Variants in USP3 observed in about 807,000 individuals in gnomAD.
USP3 encodes ubiquitin carboxyl-terminal hydrolase 3.
In USP3, 20 loss-of-function variants were observed where a neutral mutation model predicts 72.3. That is an observed-to-expected ratio of 0.28 (90% CI 0.19 to 0.40). The LOEUF (loss-of-function observed/expected upper bound fraction) is 0.40. USP3 is among the 10% of genes least tolerant of loss of function. The pLI is 1.00. For synonymous variants in USP3, 222 were observed against 225.3 expected (o/e 0.99, Z 0.13); for missense variants, 479 against 633.9 (o/e 0.76, Z 2.62).
In USP3 at chr15:63,529,888, T is replaced by C. The variant is rs1042481834; in HGVS notation, c.92-2759T>C. On this transcript the variant is annotated intron_variant, in intron 1 of 14. Coordinates refer to ENST00000380324, the MANE Select transcript of USP3 (RefSeq NM_006537.4). The surrounding 1 kb of genome is among the most constrained non-coding windows in gnomAD (Gnocchi z 4.2). ...GCTCATACCTATAATCTGGGCACTTTGGGAGGCTGAGGCAGGGAGGATTGC... is the reference window on the plus strand; with the variant it reads ...GCTCATACCTATAATCTGGGCACTTCGGGAGGCTGAGGCAGGGAGGATTGC... Among the ~76,000 whole-genome samples, 3 of 152,328 alleles carry C rather than the reference T, an allele frequency of 2.0e-5. No individual in the cohort carries two copies. The highest frequency in any genetic ancestry group is 6.5e-5 in the Admixed American group (1 of 15,302).
intron 8 of USP3, among the ~76,000 whole-genome samples, chr15:63,567,701 A>G (rs1354321476): frequency 6.7e-6 from 1 of 150,148 alleles, no homozygotes; most frequent in African/African-American, 2.5e-5. Flanking sequence ...GGCTGGTCTC[A>G]AACTCCTGAC....
Position 63,564,410 on chromosome 15 carries a change from C to T in USP3, c.761+1402C>T, listed in dbSNP as rs549133577. On this transcript the variant is annotated intron_variant, in intron 8 of 14. Coordinates refer to ENST00000380324, the MANE Select transcript of USP3 (RefSeq NM_006537.4). ...AGTTGGCTAATAATAGATTTGTTGACAATGATTTGCCCACATACCTTGAAC... is the reference window on the plus strand; with the variant it reads ...AGTTGGCTAATAATAGATTTGTTGATAATGATTTGCCCACATACCTTGAAC... Among the ~76,000 whole-genome samples, 96 of 152,242 alleles carry T rather than the reference C, an allele frequency of 6.3e-4. 2 individuals carry two copies. The highest frequency in any genetic ancestry group is 2.2e-3 in the African/African-American group (91 of 41,526).
chr15:63,572,362 T>G (rs1226338455), intron 9 of USP3, among the ~76,000 whole-genome samples: 1 of 151,876 alleles, frequency 6.6e-6, no homozygotes, highest in Admixed American at 6.6e-5. Context: ...TAGAGTCCCT[T>G]CATTTTCAGC....
chr15:63,533,033 A>G (rs1375336616), intron 2 of USP3, among the ~76,000 whole-genome samples: 1 of 152,172 alleles, frequency 6.6e-6, no homozygotes, highest in Non-Finnish European at 1.5e-5. Flanking sequence ...TAAACCTTTT[A>G]TTAGGGTAAA....
chr15:63,563,469 T>G (rs1353213377), intron 8 of USP3, among the ~76,000 whole-genome samples: 1 of 152,232 alleles, frequency 6.6e-6, no homozygotes, highest in African/African-American at 2.4e-5. Context: ...GGATGCACTC[T>G]CCAGAAGGCA....
Position 63,519,809 on chromosome 15 carries a change from A to T in USP3, c.92-12838A>T, listed in dbSNP as rs76718165. Among the ~76,000 whole-genome samples, 928 of 152,260 alleles carry T rather than the reference A, an allele frequency of 6.1e-3. 12 individuals carry two copies. Among genetic ancestry groups the T allele is most frequent in the African/African-American group, 0.021 (890 of 41,542 alleles). On this transcript the variant is annotated intron_variant, in intron 1 of 14. Coordinates refer to ENST00000380324, the MANE Select transcript of USP3 (RefSeq NM_006537.4). ...TAGTTGGCATTCTGCTATAAGAAAG[A>T]ACTTTCTCCCCTGCTTACTATTAAT...
At chr15:63,521,016 C>T (rs559126921) in intron 1 of USP3, among the ~76,000 whole-genome samples, 1 of 152,090 alleles carries the variant, frequency 6.6e-6, no homozygotes, top group Admixed American at 6.5e-5. Flanking sequence ...CTACCCACCC[C>T]CTGTAGACAA....
intron 11 of USP3, among the ~76,000 whole-genome samples, chr15:63,581,487 A>G (rs2152682047): frequency 1.4e-5 from 2 of 145,884 alleles, no homozygotes; most frequent in South Asian, 4.4e-4. Context: ...GGTTCAAGCG[A>G]TTCTTCTGCC....
chr15:63,583,267 C>G (rs1002000688), intron 11 of USP3, among the ~76,000 whole-genome samples: 3 of 152,114 alleles, frequency 2.0e-5, no homozygotes, highest in African/African-American at 4.8e-5. Context: ...GAGTCATACT[C>G]TCCCTGCCTT....
chr15:63,536,931 T>C (rs1243326271), intron 2 of USP3, 94 bp from the exon 3 acceptor site: 2 of 1,317,254 alleles, frequency 1.5e-6, no homozygotes, highest in Admixed American at 2.6e-5. Flanking sequence ...AGGATTTCTT[T>C]ATTTTGATTT....
intron 3 of USP3, among the ~76,000 whole-genome samples, chr15:63,548,852 C>G (rs1007971432): frequency 1.1e-4 from 16 of 152,096 alleles, no homozygotes; most frequent in Admixed American, 9.2e-4. Flanking sequence ...TGCCACCACG[C>G]CCGACTATAA....
In USP3 at chr15:63,570,283, G is replaced by A. The variant is rs888946770; in HGVS notation, c.762-150G>A. The A allele has an allele frequency of 1.7e-5, 17 of 1,023,306 alleles. No individual in the cohort carries two copies. The highest frequency in any genetic ancestry group is 2.2e-5 in the Non-Finnish European group (16 of 715,614). 63.4% of individuals were successfully genotyped at this position (1,023,306 alleles called of 1,614,324 possible). A position where few individuals can be genotyped will look rare whatever the true frequency, so the allele number is the denominator to read the frequency against. On this transcript the variant is annotated intron_variant, in intron 8 of 14. Coordinates refer to ENST00000380324, the MANE Select transcript of USP3 (RefSeq NM_006537.4). The surrounding 1 kb of genome is among the most constrained non-coding windows in gnomAD (Gnocchi z 4.4). ...TTCTTGAAGAGAAATTCTGTCACCT[G>A]TGGAGCTTTCGGGCATGAAGGTGAG...
chr15:63,519,859 T>C (rs1457696903), intron 1 of USP3, among the ~76,000 whole-genome samples: 1 of 151,502 alleles, frequency 6.6e-6, no homozygotes, highest in Admixed American at 6.6e-5. Context: ...TAATAAGCAC[T>C]CGGTTTTTTT....
Position 63,544,040 on chromosome 15 carries a change from T to C in USP3, c.284+6884T>C, listed in dbSNP as rs1246283385. Among the ~76,000 whole-genome samples, 2 of 148,150 alleles carry C rather than the reference T, an allele frequency of 1.3e-5. No homozygotes were observed. The highest frequency in any genetic ancestry group is 5.0e-5 in the African/African-American group (2 of 40,084). Reference sequence around the variant, plus strand: ...GCCTGGGCAACACAGGGAGACACTGTCTTTAAAAAAAAAAAAAAAGGAAAT... The same window carrying C: ...GCCTGGGCAACACAGGGAGACACTGCCTTTAAAAAAAAAAAAAAAGGAAAT... On this transcript the variant is annotated intron_variant, in intron 3 of 14. Coordinates refer to ENST00000380324, the MANE Select transcript of USP3 (RefSeq NM_006537.4). The surrounding 1 kb of genome is among the most constrained non-coding windows in gnomAD (Gnocchi z 4.2).
intron 11 of USP3, among the ~76,000 whole-genome samples, chr15:63,576,072 C>T (rs1295081063): frequency 6.6e-6 from 1 of 151,434 alleles, no homozygotes; most frequent in African/African-American, 2.4e-5. Flanking sequence ...CTGTAACCTC[C>T]GCCTCCCAGG....
At chr15:63,572,003 G>GCA (rs1236110928) in intron 9 of USP3, among the ~76,000 whole-genome samples, 1 of 152,188 alleles carries the variant, frequency 6.6e-6, no homozygotes, top group Non-Finnish European at 1.5e-5. Flanking sequence ...GTGAAGGTGA[G>GCA]GACGGTGGTA....
At chr15:63,573,956 G>A (rs566313762) in intron 9 of USP3, 90 bp from the exon 10 acceptor site, 3 of 808,660 alleles carry the variant, frequency 3.7e-6, no homozygotes, top group Middle Eastern at 2.5e-4. Context: ...GCAGTCATCT[G>A]TAGGGGCTTT....
intron 11 of USP3, among the ~76,000 whole-genome samples, chr15:63,585,618 A>G (rs144958044): frequency 9.9e-4 from 150 of 152,216 alleles, no homozygotes; most frequent in African/African-American, 3.4e-3. Flanking sequence ...AAAAATTTTT[A>G]ATTTTAATGA....
At chr15:63,556,468 T>A (rs769275815) in intron 4 of USP3, 199 bp from the exon 5 acceptor site, 9 of 441,972 alleles carry the variant, frequency 2.0e-5, no homozygotes, top group Non-Finnish European at 3.3e-5. Context: ...CCACCTCTGC[T>A]GGAGGAGCAA....
Sources: gnomAD v4.1 joint callset for allele counts (sites outside exome capture counted in the v4.1 genomes callset) on GRCh38, gnomAD v4.1.1 for gene constraint, Gnocchi (gnomAD v3.1) non-coding constraint, MANE v1.5 for transcripts, NCBI Gene and HGNC (gene_info 2026-07-23, HGNC 2026-07-21) for gene names.